Variants in RBMS3 observed in about 807,000 individuals in gnomAD.
The protein encoded by RBMS3 is RNA-binding motif, single-stranded-interacting protein 3.
Under a neutral mutation model 66.8 loss-of-function variants are expected in RBMS3, and 27 were observed. The observed-to-expected ratio is 0.40, with a 90% confidence interval of 0.30 to 0.56. The LOEUF (loss-of-function observed/expected upper bound fraction) is 0.56, where lower values mean the gene tolerates loss of function less well. RBMS3 is among the 20% of genes least tolerant of loss of function. The pLI is 0.40. For missense variants in RBMS3, 513 were observed against 549.5 expected (o/e 0.93, Z 0.66); for synonymous variants, 188 against 183.0 (o/e 1.03, Z -0.22).
chr3:29,460,263 G>T (rs2042330261), intron 2 of RBMS3, among the ~76,000 whole-genome samples: 1 of 152,080 alleles, frequency 6.6e-6, no homozygotes, highest in Non-Finnish European at 1.5e-5. Flanking sequence ...GCAATCAGTG[G>T]GTAGTGATTT....
At chr3:29,318,241 G>A (rs2034805603) in intron 1 of RBMS3, among the ~76,000 whole-genome samples, 2 of 151,728 alleles carry the variant, frequency 1.3e-5, no homozygotes, top group Admixed American at 1.3e-4. Flanking sequence ...ATATTTTTGT[G>A]GGCTAAGTTG....
chr3:29,649,472 G>A (rs1286594244), intron 4 of RBMS3, among the ~76,000 whole-genome samples: 1 of 152,134 alleles, frequency 6.6e-6, no homozygotes, highest in East Asian at 1.9e-4. Context: ...AGCTAACTAA[G>A]TGAAGTAAAT....
At chr3:29,884,469 TC>T (rs56911907) in intron 8 of RBMS3, among the ~76,000 whole-genome samples, 86 of 66,352 alleles carry the variant, frequency 1.3e-3, no homozygotes, top group Non-Finnish European at 2.5e-3. Context: ...TCTCTCTCTC[TC>T]CCCCCCCGCT....
intron 1 of RBMS3, among the ~76,000 whole-genome samples, chr3:29,369,487 AACAC>A (rs59274434): frequency 0.11 from 14,904 of 135,060 alleles, 916 homozygotes; most frequent in South Asian, 0.16. Flanking sequence ...ATCACTCCTT[AACAC>A]ACACACACAC....
At chr3:29,452,129 C>G (rs992168006) in intron 2 of RBMS3, among the ~76,000 whole-genome samples, 1 of 152,060 alleles carries the variant, frequency 6.6e-6, no homozygotes, top group Non-Finnish European at 1.5e-5. Flanking sequence ...CAGGGATTTT[C>G]CTGTGTAAGA....
At chr3:29,464,139 G>C (rs577234308) in intron 2 of RBMS3, among the ~76,000 whole-genome samples, 71 of 152,140 alleles carry the variant, frequency 4.7e-4, no homozygotes, top group African/African-American at 1.7e-3. Context: ...TGAAAAATCA[G>C]CCTGACCACT....
At chr3:29,560,166 C>G (rs2046499033) in intron 3 of RBMS3, among the ~76,000 whole-genome samples, 1 of 152,120 alleles carries the variant, frequency 6.6e-6, no homozygotes, top group Admixed American at 6.5e-5. Context: ...CATACAAATA[C>G]CAGATGGAGT....
intron 1 of RBMS3, among the ~76,000 whole-genome samples, chr3:29,425,247 G>A (rs866809794): frequency 2.2e-3 from 319 of 143,378 alleles, no homozygotes; most frequent in African/African-American, 7.7e-3. Context: ...GGTGTCACCC[G>A]CCTGTAGTCC....
At chr3:29,849,235 G>A (rs959970506) in intron 6 of RBMS3, among the ~76,000 whole-genome samples, 4 of 150,690 alleles carry the variant, frequency 2.7e-5, no homozygotes, top group Non-Finnish European at 5.9e-5. Context: ...GCAGGCCAAT[G>A]TTGAGCGTAG....
intron 1 of RBMS3, among the ~76,000 whole-genome samples, chr3:29,408,670 A>G (rs945976703): frequency 1.3e-5 from 2 of 152,188 alleles, no homozygotes; most frequent in Admixed American, 6.5e-5. Flanking sequence ...AAATCATAAA[A>G]TGAGTTTACA....
chr3:29,595,397 T>TAAAAAAAAA (rs551487113), intron 4 of RBMS3, among the ~76,000 whole-genome samples: 1 of 99,898 alleles, frequency 1.0e-5, no homozygotes. Context: ...AGAGTCAGTC[T>TAAAAAAAAA]AAAAAAAAAA....
At chr3:29,872,341 G>A (rs764857232) in intron 7 of RBMS3, among the ~76,000 whole-genome samples, 17 of 151,974 alleles carry the variant, frequency 1.1e-4, no homozygotes, top group Non-Finnish European at 7.4e-5. Flanking sequence ...TTTACAAATC[G>A]CTTTAATGTC....
intron 11 of RBMS3, among the ~76,000 whole-genome samples, chr3:29,938,431 A>T (rs1021996392): frequency 2.0e-5 from 3 of 151,950 alleles, no homozygotes; most frequent in Admixed American, 6.6e-5. Flanking sequence ...GCTTAGATAC[A>T]TTATAAGATT....
chr3:29,834,948 T>C (rs1010597677), intron 6 of RBMS3, among the ~76,000 whole-genome samples: 1 of 151,914 alleles, frequency 6.6e-6, no homozygotes. Flanking sequence ...AAAAAGATAG[T>C]CCATGCAAGC....
chr3:29,806,546 T>A (rs1168530579), intron 6 of RBMS3, among the ~76,000 whole-genome samples: 1 of 151,960 alleles, frequency 6.6e-6, no homozygotes, highest in African/African-American at 2.4e-5. Flanking sequence ...AATTTTTAAA[T>A]CTGCTTGGGT....
intron 3 of RBMS3, among the ~76,000 whole-genome samples, chr3:29,500,085 AAAG>A (rs970619463): frequency 2.6e-5 from 4 of 151,578 alleles, no homozygotes; most frequent in East Asian, 1.9e-4. Context: ...TTTTTGTAAA[AAAG>A]AAGAATTACA....
chr3:29,624,385 G>T (rs575383384), intron 4 of RBMS3, among the ~76,000 whole-genome samples: 2 of 152,228 alleles, frequency 1.3e-5, no homozygotes, highest in East Asian at 3.9e-4. Context: ...GAGACTGTGA[G>T]AATGAAAGTT....
intron 7 of RBMS3, among the ~76,000 whole-genome samples, chr3:29,871,681 G>A (rs2059495120): frequency 6.6e-6 from 1 of 152,080 alleles, no homozygotes; most frequent in Admixed American, 6.6e-5. Context: ...TGAGGCTAAT[G>A]TTTACTTTTC....
chr3:29,447,386 A>G (rs2041869943), intron 2 of RBMS3, among the ~76,000 whole-genome samples: 1 of 152,166 alleles, frequency 6.6e-6, no homozygotes, highest in African/African-American at 2.4e-5. Flanking sequence ...GTTTCTCAGA[A>G]AATATAGAGA....
Sources: allele counts gnomAD v4.1 joint callset (sites outside exome capture counted in the v4.1 genomes callset), GRCh38; gene constraint gnomAD v4.1.1; transcripts MANE v1.5; gene names NCBI Gene and HGNC (gene_info 2026-07-23, HGNC 2026-07-21).